DOCK9: variants seen among roughly 807,000 people sequenced by gnomAD.
DOCK9 encodes the protein dedicator of cytokinesis protein 9.
DOCK9 carries 89 observed loss-of-function variants against 263.3 expected under a neutral mutation model. The ratio of observed to expected loss-of-function variants is 0.34; its 90% CI spans 0.28 to 0.40. The LOEUF is 0.40. DOCK9 is among the 10% of genes least tolerant of loss of function. The pLI is 1.00. For synonymous variants in DOCK9, 976 were observed against 973.1 expected, an observed-to-expected ratio of 1.00 and a Z score of -0.06; for missense variants, 2,140 against 2,603.4, an observed-to-expected ratio of 0.82 and a Z score of 3.87.
At chr13:98,904,760 G>C in intron 9 of DOCK9, 54 bp from the exon 10 acceptor site, 3 of 1,475,018 alleles carry the variant, frequency 2.0e-6, no homozygotes, top group Non-Finnish European at 1.8e-6. Context: ...TCTTGCAAAG[G>C]TGCCCAAATA....
chr13:98,911,554 A>C (rs2050032739), intron 9 of DOCK9, among the ~76,000 whole-genome samples: 1 of 152,186 alleles, frequency 6.6e-6, no homozygotes, highest in African/African-American at 2.4e-5. Flanking sequence ...CATTGCCCTT[A>C]ATAATGACAT....
intron 1 of DOCK9, among the ~76,000 whole-genome samples, chr13:98,958,688 CT>C (rs755003519): frequency 2.0e-5 from 3 of 152,206 alleles, no homozygotes; most frequent in Non-Finnish European, 2.9e-5. Flanking sequence ...TCTTTACCCC[CT>C]AATAGAGTTA....
chr13:98,945,733 T>G (rs1287588293), intron 2 of DOCK9, among the ~76,000 whole-genome samples: 1 of 152,232 alleles, frequency 6.6e-6, no homozygotes, highest in Admixed American at 6.5e-5. Flanking sequence ...TTCATTTGTT[T>G]AATTCTACAA....
chr13:99,072,317 CCT>C (rs1272914953), intron 1 of DOCK9, among the ~76,000 whole-genome samples: 4 of 152,064 alleles, frequency 2.6e-5, no homozygotes, highest in Non-Finnish European at 4.4e-5. Context: ...CCTTATGGCC[CCT>C]GATTTAGAGG....
intron 1 of DOCK9, among the ~76,000 whole-genome samples, chr13:99,066,078 G>C (rs1021074857): frequency 6.6e-6 from 1 of 152,048 alleles, no homozygotes; most frequent in African/African-American, 2.4e-5. Context: ...GTCCTGAATG[G>C]CATAAGTAAA....
In DOCK9 at chr13:98,885,915, A is replaced by G. The variant is rs2045623583; in HGVS notation, c.2137-84T>C. On this transcript the variant is annotated intron_variant, in intron 19 of 52. Coordinates refer to ENST00000682017, the MANE Select transcript of DOCK9 (RefSeq NM_001366683.2). ...AAGCAGAGACAGTATGTGTTACCCAACGCATAAACGTGCACTTGTTCTCCG... is the reference window on the plus strand; with the variant it reads ...AAGCAGAGACAGTATGTGTTACCCAGCGCATAAACGTGCACTTGTTCTCCG... 3.0e-6 allele frequency: 4 copies of G among 1,315,620 alleles called. No homozygotes were observed. The Admixed American group carries it at 7.5e-5, about 25-fold the overall frequency. 81.5% of individuals were successfully genotyped at this position (1,315,620 alleles called of 1,614,324 possible). A position where few individuals can be genotyped will look rare whatever the true frequency, so the allele number is the denominator to read the frequency against.
At chr13:98,885,217 T>A in intron 20 of DOCK9, 125 bp from the exon 21 acceptor site, 1 of 1,293,772 alleles carries the variant, frequency 7.7e-7, no homozygotes, top group Non-Finnish European at 1.1e-6. Context: ...GTAAGAAATT[T>A]AAAATGCCCT....
At chr13:98,945,869 A>G (rs960900561) in intron 2 of DOCK9, among the ~76,000 whole-genome samples, 3 of 152,238 alleles carry the variant, frequency 2.0e-5, no homozygotes, top group Non-Finnish European at 4.4e-5. Flanking sequence ...GGGAGAGAAA[A>G]AAAGAAATCA....
intron 1 of DOCK9, among the ~76,000 whole-genome samples, chr13:99,036,171 C>T (rs1374345357): frequency 6.6e-6 from 1 of 152,158 alleles, no homozygotes; most frequent in Non-Finnish European, 1.5e-5. Flanking sequence ...CTTATTGATT[C>T]TGTTTCACTA....
chr13:98,934,629 G>A (rs2054518306), intron 2 of DOCK9, among the ~76,000 whole-genome samples: 1 of 151,428 alleles, frequency 6.6e-6, no homozygotes, highest in South Asian at 2.1e-4. Context: ...TCATGAAAAT[G>A]GATTTCAAAT....
At chr13:98,969,625 C>T (rs1393487635) in intron 1 of DOCK9, among the ~76,000 whole-genome samples, 5 of 152,224 alleles carry the variant, frequency 3.3e-5, no homozygotes, top group African/African-American at 7.2e-5. Flanking sequence ...GGAACAACGA[C>T]GCCATGATGG....
At chr13:99,058,000 A>C (rs2041004973) in intron 1 of DOCK9, among the ~76,000 whole-genome samples, 1 of 152,158 alleles carries the variant, frequency 6.6e-6, no homozygotes, top group Admixed American at 6.5e-5. Flanking sequence ...AATATTTCAA[A>C]AGGCAAAAGA....
At chr13:99,040,659 C>T (rs1368941577) in intron 1 of DOCK9, among the ~76,000 whole-genome samples, 1 of 152,092 alleles carries the variant, frequency 6.6e-6, no homozygotes, top group Non-Finnish European at 1.5e-5. Context: ...TTCCACTGTG[C>T]GCCAGACACG....
intron 2 of DOCK9, chr13:98,950,272 G>T: frequency 1.3e-6 from 1 of 768,274 alleles, no homozygotes. Flanking sequence ...TTTCTGCCAC[G>T]AGGAATCATA....
intron 1 of DOCK9, among the ~76,000 whole-genome samples, chr13:99,050,979 C>A (rs1028711364): frequency 6.6e-6 from 1 of 152,214 alleles, no homozygotes; most frequent in Non-Finnish European, 1.5e-5. Flanking sequence ...CACAGGTGGA[C>A]GTAAGAAGGA....
intron 1 of DOCK9, among the ~76,000 whole-genome samples, chr13:98,955,816 G>T (rs1461051036): frequency 6.6e-6 from 1 of 152,178 alleles, no homozygotes; most frequent in African/African-American, 2.4e-5. Context: ...TCATTTCTCG[G>T]GTCATCCCTG....
chr13:98,829,776 G>C lies in DOCK9; in HGVS notation c.4636-20C>G, dbSNP rs9517459. ...GATGACCTTAGGGACACACAAACAT[G>C]AGCAAATCAATTTACCTTCAAATGA... On this transcript the variant is annotated intron_variant, in intron 41 of 52. Coordinates refer to ENST00000682017, the MANE Select transcript of DOCK9 (RefSeq NM_001366683.2). The surrounding 1 kb of genome is among the most constrained non-coding windows in gnomAD (Gnocchi z 4.1). 344,824 of 1,573,730 alleles carry C rather than the reference G, an allele frequency of 0.22. 40,015 individuals are homozygous for C. The highest frequency in any genetic ancestry group is 0.36 in the East Asian group (15,574 of 43,588).
At chr13:99,020,596 T>G (rs1304678121) in intron 1 of DOCK9, among the ~76,000 whole-genome samples, 1 of 152,256 alleles carries the variant, frequency 6.6e-6, no homozygotes. Flanking sequence ...TACAGCTCTC[T>G]CTTTGCTGAC....
At chr13:99,084,888 C>T (rs9557137) in intron 1 of DOCK9, among the ~76,000 whole-genome samples, 41,658 of 152,114 alleles carry the variant, frequency 0.27, 6,058 homozygotes, top group East Asian at 0.43. Flanking sequence ...CAGAAGTTAG[C>T]TGGTTATGGA....
Sources: allele counts gnomAD v4.1 joint callset (sites outside exome capture counted in the v4.1 genomes callset), GRCh38; gene constraint gnomAD v4.1.1; non-coding constraint Gnocchi (gnomAD v3.1); transcripts MANE v1.5; gene names NCBI Gene and HGNC (gene_info 2026-07-23, HGNC 2026-07-21).